The following BUB1B variants were observed in gnomAD, a reference collection of about 807,000 sequenced individuals.
The protein encoded by BUB1B is mitotic checkpoint serine/threonine-protein kinase BUB1 beta.
In BUB1B, 86 loss-of-function variants were observed where a neutral mutation model predicts 137.7. The ratio of observed to expected loss-of-function variants is 0.62; its 90% CI spans 0.52 to 0.75. BUB1B has a LOEUF of 0.75. Among genes scored for constraint, BUB1B ranks in the 30% least tolerant of loss-of-function variants. The probability of loss-of-function intolerance (pLI) is 0.00; values close to 1 mark genes in which losing one functional copy is unlikely to be tolerated. For synonymous variants in BUB1B, 420 were observed against 417.9 expected (o/e 1.00, Z -0.06); for missense variants, 1,130 against 1,236.9 (o/e 0.91, Z 1.30).
chr15:40,167,935 C>T (rs1415295029), intron 2 of BUB1B, among the ~76,000 whole-genome samples: 1 of 152,132 alleles, frequency 6.6e-6, no homozygotes, highest in Admixed American at 6.5e-5. Flanking sequence ...ATTAGTTTTA[C>T]ATAGCAAGTC....
In BUB1B at chr15:40,165,109, C is replaced by T. The variant is rs1417220294; in HGVS notation, c.92C>T (p.Pro31Leu). Residue 31 changes from proline to leucine, a missense_variant, in exon 2 of 23, where the codon CCT becomes CTT. Pro to Leu is a moderately conservative substitution (Grantham distance 98). Transcript: ENST00000287598. ...EWELSKENVQ[P>L]LRQGRIMSTL... ...GAACTGAGTAAAGAAAATGTACAAC[C>T]TTTAAGGCAAGGGCGGATCATGTCC... is the stretch of plus-strand genomic sequence containing the variant. 6.2e-7 allele frequency: 1 copy of T among 1,614,124 alleles called. No individual in the cohort carries two copies. Among genetic ancestry groups the T allele is most frequent in the Admixed American group, 1.7e-5 (1 of 60,012 alleles).
intron 15 of BUB1B, among the ~76,000 whole-genome samples, chr15:40,207,681 C>T (rs1312045170): frequency 6.6e-6 from 1 of 151,944 alleles, no homozygotes; most frequent in Non-Finnish European, 1.5e-5. Flanking sequence ...CTGGACATGG[C>T]TTATTCACCA....
chr15:40,220,116 G>T (rs1441629344), intron 22 of BUB1B, among the ~76,000 whole-genome samples: 1 of 152,070 alleles, frequency 6.6e-6, no homozygotes, highest in Non-Finnish European at 1.5e-5. Context: ...AAGAAGCAAA[G>T]GTACAAACAT....
intron 1 of BUB1B, among the ~76,000 whole-genome samples, chr15:40,164,562 G>A (rs893871974): frequency 2.0e-5 from 3 of 151,902 alleles, no homozygotes; most frequent in Non-Finnish European, 2.9e-5. Flanking sequence ...TGCATTCAAT[G>A]GTAGGCATAG....
At chr15:40,209,971 C>G in intron 17 of BUB1B, 139 bp from the exon 18 acceptor site, 1 of 976,432 alleles carries the variant, frequency 1.0e-6, no homozygotes, top group South Asian at 1.4e-5. Flanking sequence ...CAATCTTTAA[C>G]AAATTATTTT....
At chr15:40,201,473 C>A (rs745947631) in intron 12 of BUB1B, among the ~76,000 whole-genome samples, 1 of 152,064 alleles carries the variant, frequency 6.6e-6, no homozygotes, top group Non-Finnish European at 1.5e-5. Flanking sequence ...CATGGAGGAA[C>A]GTTGTTAAAC....
At chr15:40,184,431 A>G (rs1014372080) in intron 6 of BUB1B, among the ~76,000 whole-genome samples, 6 of 152,120 alleles carry the variant, frequency 3.9e-5, no homozygotes, top group African/African-American at 1.4e-4. Context: ...CAGCCTCCCA[A>G]GTAGCTAGGA....
rs373457453 is a variant in BUB1B at position 40,188,600 on chromosome 15, C to T, written c.1058+2958C>T. On this transcript the variant is annotated intron_variant, in intron 8 of 22. Transcript: ENST00000287598. ...AAGTTTTCTTTTTTTTTTTTTTTTT[C>T]GAGACAGAGTCTTGCTCTGTTACCC... is the stretch of plus-strand genomic sequence containing the variant. 3.8e-3 allele frequency among the ~76,000 whole-genome samples: 242 copies of T among 62,920 alleles called. 1 individual carries two copies. The highest frequency in any genetic ancestry group is 0.02 in the Middle Eastern group (2 of 98). 41.3% of individuals were successfully genotyped at this position (62,920 alleles called of 152,430 possible). A position where few individuals can be genotyped will look rare whatever the true frequency, so the allele number is the denominator to read the frequency against.
In BUB1B at chr15:40,176,558, A is replaced by G. The variant is rs546538543; in HGVS notation, c.466A>G (p.Ile156Val). 2.5e-6 allele frequency: 4 copies of G among 1,614,156 alleles called. No homozygotes were observed. In the Admixed American group the frequency reaches 5.0e-5, roughly 20 times the overall value. Residue 156 changes from isoleucine to valine, a missense_variant, in exon 5 of 23, where the codon ATC (isoleucine) becomes GTC (valine). By Grantham distance (29) the Ile-to-Val change is conservative (BLOSUM62 3). Coordinates refer to ENST00000287598, the MANE Select transcript of BUB1B (RefSeq NM_001211.6). ...GIGVSLAQFY[I>V]SWAEEYEARE... ...TGGTGTTTCACTTGCTCAGTTCTATATCTCATGGGCAGAAGAATATGAAGC... is the reference window on the plus strand; with the variant it reads ...TGGTGTTTCACTTGCTCAGTTCTATGTCTCATGGGCAGAAGAATATGAAGC...
intron 20 of BUB1B, 54 bp from the exon 21 acceptor site, chr15:40,217,442 C>G: frequency 1.9e-4 from 285 of 1,527,684 alleles, no homozygotes; most frequent in Non-Finnish European, 2.4e-4. Flanking sequence ...ACCAGCTATG[C>G]AGCTTCTTTC....
intron 16 of BUB1B, 40 bp downstream of exon 16, chr15:40,208,810 C>G: frequency 6.4e-7 from 1 of 1,574,318 alleles, no homozygotes; most frequent in Non-Finnish European, 8.7e-7. Flanking sequence ...CTAGTGAACA[C>G]TTGTTTATCT....
intron 8 of BUB1B, 87 bp from the exon 9 acceptor site, chr15:40,196,458 T>C (rs979215529): frequency 1.6e-6 from 2 of 1,250,216 alleles, no homozygotes; most frequent in Non-Finnish European, 2.3e-6. Flanking sequence ...TTGATGGCCC[T>C]TGTAAATTAT....
At chr15:40,200,762 A>G (rs1348113076) in intron 11 of BUB1B, among the ~76,000 whole-genome samples, 169 bp from the exon 12 acceptor site, 1 of 152,216 alleles carries the variant, frequency 6.6e-6, no homozygotes, top group East Asian at 1.9e-4. Flanking sequence ...TTTCTGCAAC[A>G]TTTTTGATAA....
chr15:40,216,819 A>G (rs2037798977), intron 20 of BUB1B, among the ~76,000 whole-genome samples: 1 of 151,932 alleles, frequency 6.6e-6, no homozygotes, highest in South Asian at 2.1e-4. Flanking sequence ...CTTTTCATTT[A>G]TAAACAGTTC....
chr15:40,199,471 C>T, intron 9 of BUB1B, 144 bp from the exon 10 acceptor site: 2 of 682,554 alleles, frequency 2.9e-6, no homozygotes, highest in Admixed American at 4.5e-5. Context: ...GAGGCCTAGA[C>T]CACAAGTTGA....
chr15:40,203,678 T>C (rs941131483), intron 14 of BUB1B, among the ~76,000 whole-genome samples: 2 of 152,260 alleles, frequency 1.3e-5, no homozygotes, highest in Admixed American at 6.5e-5. Context: ...GCAAAAGTTA[T>C]GTGGGCCAAT....
chr15:40,182,430 C>T (rs561545263), intron 5 of BUB1B, among the ~76,000 whole-genome samples: 41 of 152,296 alleles, frequency 2.7e-4, no homozygotes, highest in African/African-American at 9.1e-4. Context: ...TAGTAGACAA[C>T]CACACTTCAG....
intron 1 of BUB1B, among the ~76,000 whole-genome samples, chr15:40,163,992 T>C (rs1283934892): frequency 6.6e-6 from 1 of 152,214 alleles, no homozygotes; most frequent in African/African-American, 2.4e-5. Context: ...CTCTTAGAAA[T>C]AGTCTTCTAT....
rs759331631 is a variant in BUB1B, at chr15:40,220,554, A to G, written c.2958-10A>G. ...CTAATCTTGATGGAAATGGTTTTATATATTTTTAGGCTAAAAGATGGTGAA... is the reference window on the plus strand; with the variant it reads ...CTAATCTTGATGGAAATGGTTTTATGTATTTTTAGGCTAAAAGATGGTGAA... On this transcript the variant is annotated splice_polypyrimidine_tract_variant and intron_variant, in intron 22 of 22. Transcript: ENST00000287598. The G allele has an allele frequency of 1.4e-5, 23 of 1,613,682 alleles. 1 individual carries two copies. The highest frequency in any genetic ancestry group is 5.0e-5 in the Admixed American group (3 of 59,998).
Sources: gnomAD v4.1 joint callset for allele counts (sites outside exome capture counted in the v4.1 genomes callset) on GRCh38, gnomAD v4.1.1 for gene constraint, MANE v1.5 for transcripts, NCBI Gene and HGNC (gene_info 2026-07-23, HGNC 2026-07-21) for gene names.